SLC24A3: variants seen among roughly 807,000 people sequenced by gnomAD.
SLC24A3 encodes the protein solute carrier family 24 member 3, also known as sodium/potassium/calcium exchanger 3.
Under a neutral mutation model 75.8 loss-of-function variants are expected in SLC24A3, and 28 were observed. The observed-to-expected ratio is 0.37, with a 90% CI of 0.27 to 0.51. SLC24A3 has a LOEUF of 0.51. Ranked by LOEUF, SLC24A3 falls within the 20% of genes least tolerant of loss-of-function variation. The pLI, the probability that SLC24A3 is intolerant of heterozygous loss-of-function variation, is 0.94. For synonymous variants in SLC24A3, 372 were observed against 334.1 expected (o/e 1.11, Z -1.24); for missense variants, 663 against 847.8 (o/e 0.78, Z 2.71).
intron 9 of SLC24A3, among the ~76,000 whole-genome samples, chr20:19,679,589 G>A (rs1014326648): frequency 6.6e-6 from 1 of 151,142 alleles, no homozygotes; most frequent in Non-Finnish European, 1.5e-5. Flanking sequence ...GAGACCGTGG[G>A]GAGAGGGAGA....
chr20:19,262,264 G>C (rs1250434602), intron 1 of SLC24A3, among the ~76,000 whole-genome samples: 2 of 151,636 alleles, frequency 1.3e-5, no homozygotes, highest in Admixed American at 6.6e-5. Flanking sequence ...AATTAGCCGG[G>C]CGTGGTGGCG....
intron 7 of SLC24A3, among the ~76,000 whole-genome samples, chr20:19,659,094 GCC>G (rs1025040415): frequency 1.3e-5 from 2 of 152,212 alleles, no homozygotes; most frequent in African/African-American, 4.8e-5. Flanking sequence ...GAGGAGGGCA[GCC>G]CTCAGGGGAA....
intron 1 of SLC24A3, among the ~76,000 whole-genome samples, chr20:19,278,812 A>G (rs544422033): frequency 2.0e-5 from 3 of 152,350 alleles, no homozygotes; most frequent in East Asian, 1.9e-4. Context: ...GATGATATGC[A>G]TAAACTGTAA....
intron 2 of SLC24A3, among the ~76,000 whole-genome samples, chr20:19,291,371 T>A (rs935609625): frequency 1.3e-5 from 2 of 152,174 alleles, no homozygotes; most frequent in Non-Finnish European, 2.9e-5. Context: ...TGGTCTGAGC[T>A]ACACCAGTGA....
chr20:19,229,385 T>G (rs1288517162), intron 1 of SLC24A3, among the ~76,000 whole-genome samples: 1 of 152,158 alleles, frequency 6.6e-6, no homozygotes, highest in Non-Finnish European at 1.5e-5. Flanking sequence ...TTAATTCCTG[T>G]GTTTATTTTC....
At chr20:19,482,884 T>C (rs1988079193) in intron 2 of SLC24A3, among the ~76,000 whole-genome samples, 1 of 152,208 alleles carries the variant, frequency 6.6e-6, no homozygotes. Flanking sequence ...CTGTGTGTGC[T>C]GAATTCAATT....
chr20:19,293,156 A>G (rs1389197549), intron 2 of SLC24A3, among the ~76,000 whole-genome samples: 1 of 152,136 alleles, frequency 6.6e-6, no homozygotes, highest in Admixed American at 6.5e-5. Context: ...ACATTCCAGC[A>G]ACACAGTTTC....
chr20:19,632,924 G>A (rs1366977429), intron 6 of SLC24A3, among the ~76,000 whole-genome samples: 3 of 152,308 alleles, frequency 2.0e-5, no homozygotes, highest in East Asian at 1.9e-4. Context: ...CCTTCACAGC[G>A]AGTTGTAAGC....
intron 2 of SLC24A3, among the ~76,000 whole-genome samples, chr20:19,511,260 G>GC (rs1195495680): frequency 1.3e-5 from 2 of 152,032 alleles, no homozygotes; most frequent in Non-Finnish European, 2.9e-5. Flanking sequence ...CCAGCCTAAG[G>GC]CATGGGCATT....
At chr20:19,403,465 C>G (rs1986587613) in intron 2 of SLC24A3, among the ~76,000 whole-genome samples, 1 of 152,132 alleles carries the variant, frequency 6.6e-6, no homozygotes, top group Non-Finnish European at 1.5e-5. Context: ...CAAACAGACC[C>G]CATCTCTGCC....
At chr20:19,458,192 C>T (rs1987611919) in intron 2 of SLC24A3, among the ~76,000 whole-genome samples, 1 of 152,116 alleles carries the variant, frequency 6.6e-6, no homozygotes, top group African/African-American at 2.4e-5. Context: ...TGCACACACA[C>T]ACACACGTAC....
At chr20:19,277,183 G>A (rs1202507300) in intron 1 of SLC24A3, among the ~76,000 whole-genome samples, 1 of 152,208 alleles carries the variant, frequency 6.6e-6, no homozygotes, top group Non-Finnish European at 1.5e-5. Flanking sequence ...TCCTCATTCT[G>A]CTACTTGCTC....
At position 19,382,264 on chromosome 20, in the gene SLC24A3, A is replaced by G. The variant is rs57731302; in HGVS notation, c.271+101177A>G. 1.0e-2 allele frequency among the ~76,000 whole-genome samples: 1,523 copies of G among 152,328 alleles called. 23 individuals are homozygous for G. Among genetic ancestry groups the G allele is most frequent in the African/African-American group, 0.033 (1,389 of 41,564 alleles). On this transcript the variant is annotated intron_variant, in intron 2 of 16. Coordinates refer to ENST00000328041, the MANE Select transcript of SLC24A3 (RefSeq NM_020689.4). ...CTTCTTATCTGTGGGCGGAAATGCA[A>G]AAACCAGCGTGATAGTGCACAATGC...
chr20:19,246,787 T>TTCTCTA (rs975521747), intron 1 of SLC24A3, among the ~76,000 whole-genome samples: 4 of 152,188 alleles, frequency 2.6e-5, no homozygotes, highest in Admixed American at 2.0e-4. Context: ...CTCTATCCCT[T>TTCTCTA]TCTCTATCTC....
chr20:19,547,778 G>A (rs1413344471), intron 3 of SLC24A3, among the ~76,000 whole-genome samples: 4 of 152,214 alleles, frequency 2.6e-5, no homozygotes, highest in African/African-American at 4.8e-5. Flanking sequence ...GTATGCCAGA[G>A]CCAGGGCAAG....
chr20:19,358,599 A>G (rs753690626), intron 2 of SLC24A3, among the ~76,000 whole-genome samples: 1 of 152,208 alleles, frequency 6.6e-6, no homozygotes, highest in African/African-American at 2.4e-5. Flanking sequence ...TCACAGACTT[A>G]TATCTTCCTT....
At chr20:19,630,740 G>C (rs1230457390) in intron 6 of SLC24A3, among the ~76,000 whole-genome samples, 1 of 131,626 alleles carries the variant, frequency 7.6e-6, no homozygotes, top group Admixed American at 7.0e-5. Context: ...TAATCCAAAA[G>C]GATTTTTAAA....
intron 3 of SLC24A3, among the ~76,000 whole-genome samples, chr20:19,566,235 A>G (rs1230893383): frequency 6.6e-6 from 1 of 152,224 alleles, no homozygotes; most frequent in East Asian, 1.9e-4. Context: ...CTCAAAATCA[A>G]GAGATTGTAT....
At chr20:19,575,436 G>A (rs918665330) in intron 3 of SLC24A3, among the ~76,000 whole-genome samples, 4 of 152,148 alleles carry the variant, frequency 2.6e-5, no homozygotes, top group African/African-American at 7.2e-5. Context: ...GCAAAAGGGA[G>A]GCCAGAGACA....
Sources: gnomAD v4.1 joint callset for allele counts (sites outside exome capture counted in the v4.1 genomes callset) on GRCh38, gnomAD v4.1.1 for gene constraint, MANE v1.5 for transcripts, NCBI Gene and HGNC (gene_info 2026-07-23, HGNC 2026-07-21) for gene names.